AGT: variants seen among roughly 807,000 people sequenced by gnomAD.
The protein encoded by AGT is angiotensinogen.
In AGT, 26 loss-of-function variants were observed where a neutral mutation model predicts 28.1. That is an observed-to-expected ratio of 0.92 (90% CI 0.68 to 1.28). The LOEUF (loss-of-function observed/expected upper bound fraction) is 1.28, where lower values mean the gene tolerates loss of function less well. Ranked by LOEUF, AGT falls within the 50% of genes most tolerant of loss-of-function variation. The pLI, the probability that AGT is intolerant of heterozygous loss-of-function variation, is 0.00. For synonymous variants in AGT, 259 were observed against 259.6 expected (o/e 1.00, Z 0.02); for missense variants, 596 against 592.3 (o/e 1.01, Z -0.06).
In AGT at chr1:230,709,901, C is replaced by T. The variant is rs11568033; in HGVS notation, c.829+94G>A. 1,224 of 1,558,192 alleles carry T rather than the reference C, an allele frequency of 7.9e-4. 7 individuals carry two copies. In the African/African-American group the frequency reaches 0.012, roughly 15 times the overall value. On this transcript the variant is annotated intron_variant, in intron 2 of 4. Transcript: ENST00000366667. The stretch of plus-strand genomic sequence containing the variant: ...GTCACCAGGTATGTCCGCAGGGCTG[C>T]CCCCTGCCCATCTCCAAGGCCTGAC...
In AGT at chr1:230,710,054, G is replaced by A. The variant is rs779634377; in HGVS notation, c.770C>T (p.Ser257Phe). ...GCTGTCCACACTGGCTCCCATCAGG[G>A]AGCAGCCAGTCTTCCATCCTGTCAC... ...QAVTGWKTGCSLMGASVDSTL... is the reference protein window; with the variant it reads ...QAVTGWKTGCFLMGASVDSTL... Residue 257 changes from serine to phenylalanine, a missense_variant, in exon 2 of 5, where the codon TCC becomes TTC. Physicochemically the swap from Ser to Phe is radical, Grantham distance 155. Transcript: ENST00000366667. The A allele has an allele frequency of 2.3e-5, 37 of 1,613,990 alleles. No individual in the cohort carries two copies. The highest frequency in any genetic ancestry group is 1.3e-4 in the Admixed American group (8 of 60,014).
chr1:230,708,629 G>A (rs567561124), intron 2 of AGT, among the ~76,000 whole-genome samples: 1 of 151,996 alleles, frequency 6.6e-6, no homozygotes, highest in Admixed American at 6.6e-5. Flanking sequence ...TTCACCTCCC[G>A]CCTGGCTCTC....
At position 230,710,544 on chromosome 1, in the gene AGT, C is replaced by A; in HGVS notation, c.280G>T (p.Ala94Ser). The A allele has an allele frequency of 6.2e-7, 1 of 1,614,246 alleles. No individual in the cohort carries two copies. Among genetic ancestry groups the A allele is most frequent in the Non-Finnish European group, 8.5e-7 (1 of 1,180,044 alleles). ...TTGGCCAGCATCCCGACCATTGCGG[C>A]CCTCAACTTGTCTTCGGTGTCAAGT... ...AKLDTEDKLR[A>S]AMVGMLANFL... The change falls in exon 2 of 5, where the codon GCC (alanine) becomes TCC (serine). Residue 94 changes from alanine (A) to serine (S), a missense_variant. Physicochemically the swap from Ala to Ser is moderately conservative, Grantham distance 99. Coordinates refer to ENST00000366667, the MANE Select transcript of AGT (RefSeq NM_001384479.1).
rs142328926 is a variant in AGT at position 230,704,165 on chromosome 1, T to A, written c.1242+28A>T. The stretch of plus-strand genomic sequence containing the variant: ...ACCCTGTGCACACTTGGAACCCAGG[T>A]CAGGCACAGACACAGGCTCACACAT... On this transcript the variant is annotated intron_variant, in intron 4 of 4. Transcript: ENST00000366667. 41 of 1,614,086 alleles carry A rather than the reference T, an allele frequency of 2.5e-5. No individual in the cohort carries two copies. The African/African-American group carries it at 4.1e-4, about 16-fold the overall frequency.
chr1:230,726,128 G>A (rs966857051), intron 1 of AGT, among the ~76,000 whole-genome samples: 5 of 152,204 alleles, frequency 3.3e-5, no homozygotes, highest in Non-Finnish European at 5.9e-5. Flanking sequence ...AACTTTGAAT[G>A]GATCCCTGGA....
At position 230,706,141 on chromosome 1, in the gene AGT, T is replaced by C. The variant is rs1190854266; in HGVS notation, c.889A>G (p.Thr297Ala). The C allele has an allele frequency of 1.2e-6, 2 of 1,613,420 alleles. No homozygotes were observed. Among genetic ancestry groups the C allele is most frequent in the Non-Finnish European group, 1.7e-6 (2 of 1,179,898 alleles). Residue 297 changes from threonine (T) to alanine (A), a missense_variant, in exon 3 of 5, where the codon ACC becomes GCC. Physicochemically the swap from Thr to Ala is moderately conservative, Grantham distance 58 (BLOSUM62 0). Coordinates refer to ENST00000366667, the MANE Select transcript of AGT (RefSeq NM_001384479.1). ...GAGAGCATGGGAACAGACACTGAGGTGCTGTTGTCCACCCAGAACTCCTGG... is the reference window on the plus strand; with the variant it reads ...GAGAGCATGGGAACAGACACTGAGGCGCTGTTGTCCACCCAGAACTCCTGG... ...EPQEFWVDNS[T>A]SVSVPMLSGM... is the part of the protein sequence containing the mutation.
intron 2 of AGT, among the ~76,000 whole-genome samples, chr1:230,706,530 C>T (rs569395892): frequency 6.6e-6 from 1 of 152,322 alleles, no homozygotes; most frequent in African/African-American, 2.4e-5. Flanking sequence ...CAACTCAAAC[C>T]TAGAACTGTC....
At chr1:230,742,457 A>C (rs1185583676) in intron 1 of AGT, among the ~76,000 whole-genome samples, 1 of 152,144 alleles carries the variant, frequency 6.6e-6, no homozygotes, top group African/African-American at 2.4e-5. Context: ...CTGGGATTAC[A>C]GGTGCCCACC....
chr1:230,743,460 T>TC (rs143088904), intron 1 of AGT, among the ~76,000 whole-genome samples: 11,268 of 152,134 alleles, frequency 0.074, 605 homozygotes, highest in East Asian at 0.14. Flanking sequence ...GAAGAATCTG[T>TC]CCCTTCCTGC....
Position 230,714,117 on chromosome 1 carries a change from T to C in AGT, c.-62A>G, listed in dbSNP as rs1663674224. On this transcript the variant is annotated 5_prime_UTR_variant, in exon 1 of 5. Transcript: ENST00000366667. Reference sequence around the variant, plus strand: ...CTGTAGTACCCAGAACAACGGCAGCTTCTTCCCCCGGCCGGGTCACGATGC... The same window carrying C: ...CTGTAGTACCCAGAACAACGGCAGCCTCTTCCCCCGGCCGGGTCACGATGC... 6.6e-6 allele frequency: 1 copy of C among 152,268 alleles called. No homozygotes were observed. The highest frequency in any genetic ancestry group is 1.5e-5 in the Non-Finnish European group (1 of 68,158). The allele number at this position is 152,268 out of a possible 1,614,324, so 9.4% of individuals were successfully genotyped here.
At chr1:230,728,363 T>C (rs907765838) in intron 1 of AGT, among the ~76,000 whole-genome samples, 1 of 152,140 alleles carries the variant, frequency 6.6e-6, no homozygotes, top group Non-Finnish European at 1.5e-5. Flanking sequence ...TTTCATTAGT[T>C]TTACAAAGAT....
At chr1:230,715,244 T>TA (rs981294320), upstream of AGT, among the ~76,000 whole-genome samples, 3 of 152,218 alleles carry the variant, frequency 2.0e-5, no homozygotes, top group African/African-American at 7.2e-5. Flanking sequence ...AATCTTCATT[T>TA]AAAAAAATCA....
At position 230,702,984 on chromosome 1, in the gene AGT, G is replaced by A. The variant is rs556509326; in HGVS notation, c.*157C>T. On this transcript the variant is annotated 3_prime_UTR_variant, in exon 5 of 5. Transcript: ENST00000366667. ...AGCACACTTAGACCAAGGAGAAACG[G>A]CTGCTTTCCAGCTCAAAGTCGACTC... is the stretch of plus-strand genomic sequence containing the variant. 2.5e-6 allele frequency: 2 copies of A among 808,410 alleles called. No homozygotes were observed. The highest frequency in any genetic ancestry group is 3.6e-5 in the South Asian group (2 of 55,816). 50.1% of individuals were successfully genotyped at this position (808,410 alleles called of 1,614,324 possible).
intron 1 of AGT, among the ~76,000 whole-genome samples, chr1:230,713,783 T>G (rs1430144765): frequency 2.0e-5 from 3 of 152,184 alleles, no homozygotes; most frequent in Non-Finnish European, 4.4e-5. Context: ...CGGTGGACTC[T>G]TGGCCATGAT....
chr1:230,714,332 TGAGCCGGTG>T (rs891919786), upstream of AGT: 2 of 152,080 alleles, frequency 1.3e-5, no homozygotes, highest in African/African-American at 4.8e-5. Flanking sequence ...CTGAACAGAG[TGAGCCGGTG>T]CAGGGTCGAG....
chr1:230,717,230 C>T (rs1204861319), upstream of AGT, among the ~76,000 whole-genome samples: 2 of 151,714 alleles, frequency 1.3e-5, no homozygotes, highest in East Asian at 3.9e-4. Context: ...TCTATATAGA[C>T]ACAGTAACAG....
chr1:230,727,103 A>C (rs1184305784), intron 1 of AGT, among the ~76,000 whole-genome samples: 1 of 152,112 alleles, frequency 6.6e-6, no homozygotes, highest in African/African-American at 2.4e-5. Flanking sequence ...GGAAATTAGA[A>C]CCACAGTGGG....
chr1:230,726,674 G>C (rs1210564728), intron 1 of AGT, among the ~76,000 whole-genome samples: 1 of 152,126 alleles, frequency 6.6e-6, no homozygotes, highest in Admixed American at 6.5e-5. Context: ...ATGGGTGAAT[G>C]AATCTCTTCA....
At chr1:230,727,758 T>A (rs772376422) in intron 1 of AGT, among the ~76,000 whole-genome samples, 1 of 152,220 alleles carries the variant, frequency 6.6e-6, no homozygotes, top group Non-Finnish European at 1.5e-5. Context: ...TATAAGGTAC[T>A]GACATGGGAG....
Sources: allele counts gnomAD v4.1 joint callset (sites outside exome capture counted in the v4.1 genomes callset), GRCh38; gene constraint gnomAD v4.1.1; transcripts MANE v1.5; gene names NCBI Gene and HGNC (gene_info 2026-07-23, HGNC 2026-07-21).